The following MACF1 variants were observed in gnomAD, a reference collection of about 807,000 sequenced individuals.
The protein encoded by MACF1 is microtubule actin crosslinking factor 1.
Under a neutral mutation model 854.8 loss-of-function variants are expected in MACF1, and 193 were observed. That is an observed-to-expected ratio of 0.23 (90% CI 0.20 to 0.25). The LOEUF is 0.25. MACF1 is among the 10% of genes least tolerant of loss of function. The pLI, the probability that MACF1 is intolerant of heterozygous loss-of-function variation, is 1.00. For missense variants in MACF1, 7,722 were observed against 8,929.1 expected (o/e 0.86, Z 5.45); for synonymous variants, 3,185 against 3,226.7 (o/e 0.99, Z 0.44).
chr1:39,103,012 G>A, intron 2 of MACF1: 2 of 695,982 alleles, frequency 2.9e-6, no homozygotes, highest in Non-Finnish European at 5.2e-6. Context: ...CCATTCATTA[G>A]AAGAATGCAT....
At chr1:39,378,404 A>G (rs542497915) in intron 52 of MACF1, 57 bp from the exon 53 acceptor site, 40 of 1,278,658 alleles carry the variant, frequency 3.1e-5, no homozygotes, top group East Asian at 3.0e-4. Context: ...TTCAGTGCCT[A>G]TATGTATTCC....
At chr1:39,309,870 A>G (rs145440599) in intron 24 of MACF1, among the ~76,000 whole-genome samples, 174 bp downstream of exon 24, 264 of 152,342 alleles carry the variant, frequency 1.7e-3, no homozygotes, top group African/African-American at 6.1e-3. Context: ...AGCAATTTGA[A>G]TGGTAAAGGA....
At chr1:39,259,783 C>T (rs1000074861) in intron 6 of MACF1, among the ~76,000 whole-genome samples, 6 of 151,686 alleles carry the variant, frequency 4.0e-5, no homozygotes, top group Non-Finnish European at 5.9e-5. Flanking sequence ...CCACTACACC[C>T]GGCTAATTTT....
intron 95 of MACF1, 30 bp from the exon 96 acceptor site, chr1:39,468,585 A>G (rs750248026): frequency 3.3e-6 from 5 of 1,537,422 alleles, no homozygotes; most frequent in Non-Finnish European, 4.5e-6. Context: ...TAAGACATAT[A>G]TATTAATTAA....
intron 40 of MACF1, among the ~76,000 whole-genome samples, chr1:39,344,431 C>CA (rs113140732): frequency 0.013 from 1,022 of 77,810 alleles, 16 homozygotes; most frequent in East Asian, 0.11. Flanking sequence ...GACTCTGTCT[C>CA]AAAAAAAAAA....
At chr1:39,173,423 C>T (rs1643980870) in intron 2 of MACF1, among the ~76,000 whole-genome samples, 1 of 151,812 alleles carries the variant, frequency 6.6e-6, no homozygotes, top group Non-Finnish European at 1.5e-5. Flanking sequence ...AAATGCCAAA[C>T]CTGTAGATTT....
Position 39,337,782 on chromosome 1 carries a change from T to C in MACF1, c.10215+451T>C, listed in dbSNP as rs191606519. Among the ~76,000 whole-genome samples the C allele has an allele frequency of 4.3e-3, 650 of 150,786 alleles. 5 individuals carry two copies. The highest frequency in any genetic ancestry group is 0.014 in the African/African-American group (589 of 41,012). On this transcript the variant is annotated intron_variant, in intron 38 of 100. Transcript: ENST00000564288. ...GTGTTTTTTTGTGTGTGTGTGTTTT[T>C]TTTTTGAGATGGAGTCTCACTCTGT...
In MACF1 at chr1:39,428,145, A is replaced by G. The variant is rs767274174; in HGVS notation, c.16661A>G (p.Gln5554Arg). ...TGTCGGAAGGCAGCCCTACTTGACC[A>G]AGCTCTGTCTAATGCTAGGCTGTTT... Reference protein sequence around the residue: ...RCCRKAALLDQALSNARLFGE... With the variant: ...RCCRKAALLDRALSNARLFGE... Residue 5554 changes from glutamine (Q) to arginine (R), a missense_variant, in exon 63 of 101, where the codon CAA becomes CGA. Gln to Arg is a conservative substitution (Grantham distance 43). Coordinates refer to ENST00000564288, the MANE Select transcript of MACF1 (RefSeq NM_001394062.1). 3 of 1,614,176 alleles carry G rather than the reference A, an allele frequency of 1.9e-6. No individual in the cohort carries two copies. The highest frequency in any genetic ancestry group is 2.5e-6 in the Non-Finnish European group (3 of 1,180,030).
chr1:39,412,210 A>G, intron 58 of MACF1: 1 of 1,613,946 alleles, frequency 6.2e-7, no homozygotes, highest in Non-Finnish European at 8.5e-7. Flanking sequence ...GTGCATTGAG[A>G]GGGTCACCTT....
intron 92 of MACF1, 63 bp from the exon 93 acceptor site, chr1:39,461,814 AAAAATC>A (rs1477884456): frequency 9.5e-7 from 1 of 1,057,712 alleles, no homozygotes; most frequent in Non-Finnish European, 1.3e-6. Flanking sequence ...AAAAAAAAAA[AAAAATC>A]TATAACCGCC....
intron 35 of MACF1, 80 bp downstream of exon 35, chr1:39,324,814 C>G (rs1010001978): frequency 9.2e-7 from 1 of 1,089,558 alleles, no homozygotes; most frequent in Non-Finnish European, 1.4e-6. Context: ...AATGAGATTT[C>G]AGAATGGAGA....
At chr1:39,137,860 G>C (rs180862590) in intron 2 of MACF1, among the ~76,000 whole-genome samples, 56 of 151,638 alleles carry the variant, frequency 3.7e-4, no homozygotes, top group African/African-American at 1.3e-3. Flanking sequence ...GATCACCTGA[G>C]GTCGCGAGTT....
intron 2 of MACF1, among the ~76,000 whole-genome samples, chr1:39,193,984 C>G (rs1026440826): frequency 6.6e-6 from 1 of 152,082 alleles, no homozygotes; most frequent in Non-Finnish European, 1.5e-5. Context: ...GCTGGGATTA[C>G]AGGCACTCCT....
chr1:39,426,057 T>A (rs1643716956), intron 61 of MACF1, among the ~76,000 whole-genome samples: 1 of 152,150 alleles, frequency 6.6e-6, no homozygotes, highest in African/African-American at 2.4e-5. Context: ...TTCTTCAAAT[T>A]TTCAGATTCC....
At position 39,310,969 on chromosome 1, in the gene MACF1, A is replaced by T; in HGVS notation, c.3239A>T (p.Gln1080Leu). The change falls in exon 26 of 101, where the codon CAG becomes CTG. Residue 1080 changes from glutamine (Q) to leucine (L), a missense_variant. Gln to Leu is a moderately radical substitution (Grantham distance 113). Transcript: ENST00000564288. The part of the protein sequence containing the change: ...ASSRTDRDAW[Q>L]DNALRIAEQE... ...TCTAGGACTGACAGAGATGCCTGGC[A>T]GGACAATGCATTAAGGATTGCAGAG... The T allele has an allele frequency of 6.2e-7, 1 of 1,614,122 alleles. No homozygotes were observed. Among genetic ancestry groups the T allele is most frequent in the Non-Finnish European group, 8.5e-7 (1 of 1,179,994 alleles).
Position 39,285,196 on chromosome 1 carries a change from G to A in MACF1, c.1245G>A (p.Arg415=). 1 of 1,614,192 alleles carries A rather than the reference G, an allele frequency of 6.2e-7. No individual in the cohort carries two copies. The highest frequency in any genetic ancestry group is 1.7e-5 in the Admixed American group (1 of 60,016). The change falls in exon 12 of 101, where the codon CGG becomes CGA. Residue 415 remains arginine (R), a synonymous_variant. Transcript: ENST00000564288. ...TGCTGGAACGAGAGAAATCACTTCG[G>A]CCGGCTGTGGAGAGGTGGGTCCAGA... ...IEMLEREKSL[R]PAVERLELLL...
chr1:39,135,480 C>T (rs1643141894), intron 2 of MACF1, among the ~76,000 whole-genome samples: 1 of 152,088 alleles, frequency 6.6e-6, no homozygotes, highest in Non-Finnish European at 1.5e-5. Flanking sequence ...AACTCTTGAT[C>T]ACCTGTTTCG....
chr1:39,173,528 C>T (rs1643982075), intron 2 of MACF1, among the ~76,000 whole-genome samples: 1 of 152,110 alleles, frequency 6.6e-6, no homozygotes, highest in Admixed American at 6.6e-5. Flanking sequence ...CCTTCACTGT[C>T]AGAATTTGAT....
At chr1:39,102,193 A>AAGAGAGAGAGAGAGAGAGAGAGAAAGAG (rs61576279) in intron 2 of MACF1, among the ~76,000 whole-genome samples, 1 of 148,078 alleles carries the variant, frequency 6.8e-6, no homozygotes, top group African/African-American at 2.5e-5. Flanking sequence ...AAGAAAAAGA[A>AAGAGAGAGAGAGAGAGAGAGAGAAAGAG]AGAGAGAGAG....
Sources: allele counts gnomAD v4.1 joint callset (sites outside exome capture counted in the v4.1 genomes callset), GRCh38; gene constraint gnomAD v4.1.1; transcripts MANE v1.5; gene names NCBI Gene and HGNC (gene_info 2026-07-23, HGNC 2026-07-21).